The following NUP98 variants were observed in gnomAD, a reference collection of about 807,000 sequenced individuals.
NUP98 encodes nucleoporin 98 and 96 precursor.
NUP98 carries 26 observed loss-of-function variants against 191.9 expected under a neutral mutation model. The ratio of observed to expected loss-of-function variants is 0.14; its 90% CI spans 0.10 to 0.19. The LOEUF is 0.19. Ranked by LOEUF, NUP98 falls within the 10% of genes least tolerant of loss-of-function variation. The pLI is 1.00. For synonymous variants in NUP98, 808 were observed against 778.4 expected (o/e 1.04, Z -0.63); for missense variants, 1,941 against 2,178.8 (o/e 0.89, Z 2.17).
intron 11 of NUP98, among the ~76,000 whole-genome samples, chr11:3,747,602 T>C (rs868031951): frequency 6.6e-6 from 1 of 152,194 alleles, no homozygotes; most frequent in Non-Finnish European, 1.5e-5. Context: ...TATACTAAGA[T>C]TGGTTTCTTA....
intron 12 of NUP98, 48 bp downstream of exon 12, chr11:3,744,461 G>GTAT (rs1554896064): frequency 6.4e-7 from 1 of 1,564,278 alleles, no homozygotes; most frequent in Non-Finnish European, 8.6e-7. Context: ...AGGTCAGCAA[G>GTAT]TATTAGCAAA....
rs371224961 is a variant in NUP98, at chr11:3,740,282, G to C, written c.1408+4227C>G. ...CCCCAGCACTTTGGGAGGCCGAAGC[G>C]AGAGGATTGCTTGAGGTCAGGAGTT... is the stretch of plus-strand genomic sequence containing the variant. On this transcript the variant is annotated intron_variant, in intron 12 of 32. Coordinates refer to ENST00000324932, the MANE Select transcript of NUP98 (RefSeq NM_016320.5). Among the ~76,000 whole-genome samples, 414 of 152,218 alleles carry C rather than the reference G, an allele frequency of 2.7e-3. 3 individuals are homozygous for C. The highest frequency in any genetic ancestry group is 9.1e-3 in the African/African-American group (377 of 41,522).
chr11:3,716,508 C>A (rs2079188406), intron 18 of NUP98, among the ~76,000 whole-genome samples: 1 of 151,920 alleles, frequency 6.6e-6, no homozygotes, highest in African/African-American at 2.4e-5. Context: ...GAGTTTGAGA[C>A]CGGCTGGGCA....
rs149008676 is a variant in NUP98, at chr11:3,768,727, T to C, written c.802A>G (p.Thr268Ala). 1.1e-5 allele frequency: 17 copies of C among 1,579,114 alleles called. No individual in the cohort carries two copies. The African/African-American group carries it at 2.2e-4, about 20-fold the overall frequency. The change falls in exon 8 of 33, where the codon ACA becomes GCA. Residue 268 changes from threonine to alanine, a missense_variant. By Grantham distance (58) the Thr-to-Ala change is moderately conservative. Coordinates refer to ENST00000324932, the MANE Select transcript of NUP98 (RefSeq NM_016320.5). ...TGGCCAAAGAGACCACCTGGATTTG[T>C]TCCAAATCCAGTTGTACCTTTTAGG... ...AFGTSTTGFG[T>A]NPGGLFGQQN...
chr11:3,698,270 A>G (rs1303274467), intron 25 of NUP98, among the ~76,000 whole-genome samples: 3 of 152,202 alleles, frequency 2.0e-5, no homozygotes, highest in Non-Finnish European at 2.9e-5. Context: ...GTAAAGAATT[A>G]AGTACAAATT....
At chr11:3,731,673 T>A in intron 13 of NUP98, 95 bp from the exon 14 acceptor site, 1 of 824,470 alleles carries the variant, frequency 1.2e-6, no homozygotes, top group Non-Finnish European at 1.8e-6. Flanking sequence ...TCCTCATCTT[T>A]GTCATTCACC....
chr11:3,791,790 C>T (rs1429143141), intron 1 of NUP98, among the ~76,000 whole-genome samples: 6 of 149,768 alleles, frequency 4.0e-5, no homozygotes, highest in African/African-American at 1.5e-4. Flanking sequence ...TACAGTGAGC[C>T]GAGATCACGA....
chr11:3,689,344 G>A (rs2078233993), intron 28 of NUP98, among the ~76,000 whole-genome samples: 1 of 152,078 alleles, frequency 6.6e-6, no homozygotes, highest in African/African-American at 2.4e-5. Context: ...GGCTAACACG[G>A]TGAAACCCTG....
intron 8 of NUP98, among the ~76,000 whole-genome samples, chr11:3,765,976 T>C (rs745743749): frequency 6.6e-6 from 1 of 152,190 alleles, no homozygotes; most frequent in Non-Finnish European, 1.5e-5. Context: ...ATCAATTGTC[T>C]ACAAATGTGA....
intron 28 of NUP98, among the ~76,000 whole-genome samples, chr11:3,687,905 C>T (rs1156731811): frequency 1.3e-5 from 2 of 151,496 alleles, no homozygotes; most frequent in African/African-American, 4.9e-5. Flanking sequence ...TGACTCATGC[C>T]TGTAATAGAC....
intron 2 of NUP98, among the ~76,000 whole-genome samples, chr11:3,779,641 CA>C (rs35376772): frequency 0.91 from 127,340 of 139,668 alleles, 57,955 homozygotes; most frequent in East Asian, 0.98. Context: ...AACGCCGTCT[CA>C]AAAAAAAAAA....
At chr11:3,688,885 T>C (rs1337089835) in intron 28 of NUP98, among the ~76,000 whole-genome samples, 6 of 147,772 alleles carry the variant, frequency 4.1e-5, no homozygotes, top group Non-Finnish European at 8.9e-5. Flanking sequence ...GATGAGCTAT[T>C]TGTGTGACTA....
chr11:3,703,697 A>T (rs770592541), intron 22 of NUP98, among the ~76,000 whole-genome samples: 1 of 152,178 alleles, frequency 6.6e-6, no homozygotes, highest in Non-Finnish European at 1.5e-5. Flanking sequence ...TTCTTAGCAC[A>T]TATAAAAGTA....
rs773762911 is a variant in NUP98 at position 3,676,258 on chromosome 11, G to A, written c.5304C>T (p.Pro1768=). The part of the protein sequence containing the change: ...PQRVPLRLLA[P]HIGRLPMPED... ...CAGGCATGGGAAGCCGGCCAATGTG[G>A]GGAGCCAAGAGGCGCAAAGGGACTC... The change falls in exon 33 of 33, where the codon CCC becomes CCT. Residue 1768 remains proline, a synonymous_variant. Coordinates refer to ENST00000324932, the MANE Select transcript of NUP98 (RefSeq NM_016320.5). 1 of 1,614,064 alleles carries A rather than the reference G, an allele frequency of 6.2e-7. No homozygotes were observed. Among genetic ancestry groups the A allele is most frequent in the Non-Finnish European group, 8.5e-7 (1 of 1,180,052 alleles).
intron 25 of NUP98, 146 bp downstream of exon 25, chr11:3,698,936 C>A: frequency 2.3e-6 from 2 of 857,788 alleles, no homozygotes; most frequent in Non-Finnish European, 3.7e-6. Context: ...ACATATTCCA[C>A]GGGAACCAGC....
At chr11:3,724,150 G>A (rs1372208146) in intron 15 of NUP98, among the ~76,000 whole-genome samples, 1 of 151,840 alleles carries the variant, frequency 6.6e-6, no homozygotes, top group Non-Finnish European at 1.5e-5. Flanking sequence ...AAGAAATTTC[G>A]GCTGGGTGTG....
intron 20 of NUP98, among the ~76,000 whole-genome samples, chr11:3,707,451 C>A (rs2078892354): frequency 6.6e-6 from 1 of 151,628 alleles, no homozygotes; most frequent in South Asian, 2.1e-4. Flanking sequence ...TATTTTCAAA[C>A]CAAAAAAAAT....
At chr11:3,727,249 C>G (rs2079654838) in intron 14 of NUP98, among the ~76,000 whole-genome samples, 1 of 152,024 alleles carries the variant, frequency 6.6e-6, no homozygotes, top group African/African-American at 2.4e-5. Context: ...TGAGCAGGAT[C>G]ACTTAAGGCC....
At chr11:3,794,977 A>G (rs2082479797) in intron 1 of NUP98, among the ~76,000 whole-genome samples, 1 of 152,202 alleles carries the variant, frequency 6.6e-6, no homozygotes, top group Non-Finnish European at 1.5e-5. Flanking sequence ...ACATAACTGC[A>G]TAGTCTCATT....
Sources: allele counts gnomAD v4.1 joint callset (sites outside exome capture counted in the v4.1 genomes callset), GRCh38; gene constraint gnomAD v4.1.1; transcripts MANE v1.5; gene names NCBI Gene and HGNC (gene_info 2026-07-23, HGNC 2026-07-21).